TPM3: variants seen among roughly 807,000 people sequenced by gnomAD.
The protein encoded by TPM3 is tropomyosin 3, also known as tropomyosin alpha-3 chain.
A neutral mutation model predicts 43.1 loss-of-function variants in TPM3; 16 were observed. The ratio of observed to expected loss-of-function variants is 0.37; its 90% CI spans 0.25 to 0.56. TPM3 has a LOEUF of 0.56. Ranked by LOEUF, TPM3 falls within the 20% of genes least tolerant of loss-of-function variation. The pLI, the probability that TPM3 is intolerant of heterozygous loss-of-function variation, is 0.77. For synonymous variants in TPM3, 101 were observed against 116.9 expected (o/e 0.86, Z 0.88); for missense variants, 176 against 337.2 (o/e 0.52, Z 3.74).
chr1:154,165,575 G>A lies in TPM3; in HGVS notation c.*2362C>T, dbSNP rs960701006. ...AGGCTGAGGTGGGTGGATCACTTGA[G>A]GTCAGGAGTTCCAGACCAGCCTGGC... On this transcript the variant is annotated 3_prime_UTR_variant, in exon 10 of 10. Transcript: ENST00000651641. Among the ~76,000 whole-genome samples, 1 of 151,606 alleles carries A rather than the reference G, an allele frequency of 6.6e-6. No homozygotes were observed. The highest frequency in any genetic ancestry group is 2.4e-5 in the African/African-American group (1 of 41,226).
In TPM3 at chr1:154,163,746, G is replaced by A. The variant is rs1301146960; in HGVS notation, c.*4191C>T. 6.6e-6 allele frequency among the ~76,000 whole-genome samples: 1 copy of A among 152,022 alleles called. No individual in the cohort carries two copies. The highest frequency in any genetic ancestry group is 2.4e-5 in the African/African-American group (1 of 41,378). On this transcript the variant is annotated 3_prime_UTR_variant, in exon 10 of 10. Coordinates refer to ENST00000651641, the MANE Select transcript of TPM3 (RefSeq NM_152263.4). ...CCTCCCGGGTTCACGCCATTCTCCT[G>A]CCTCAGCCTCCCAAGTAGTTGGGAC...
chr1:154,174,736 C>T (rs1304337531), intron 3 of TPM3, among the ~76,000 whole-genome samples: 1 of 151,256 alleles, frequency 6.6e-6, no homozygotes, highest in Non-Finnish European at 1.5e-5. Flanking sequence ...CTCAAGTGAT[C>T]GTCCACCTCA....
At chr1:154,158,909 G>A, downstream of TPM3, 1 of 776,022 alleles carries the variant, frequency 1.3e-6, no homozygotes, top group Non-Finnish European at 2.4e-6. Context: ...TTTTGTTGGG[G>A]TCCAGGTCAG....
In TPM3 at chr1:154,176,128, C is replaced by T; in HGVS notation, c.364G>A (p.Asp122Asn). ...TTCCCTACACACCTCTCACTCTCATCAGCAGCTTTTTCAGCTTCTTCCAGC... is the reference window on the plus strand; with the variant it reads ...TTCCCTACACACCTCTCACTCTCATTAGCAGCTTTTTCAGCTTCTTCCAGC... ...QKLEEAEKAA[D>N]ESERGMKVIE... is the part of the protein sequence containing the mutation. Residue 122 changes from aspartate to asparagine, a missense_variant, in exon 3 of 10, where the codon GAT becomes AAT. Asp to Asn is a conservative substitution (Grantham distance 23). Coordinates refer to ENST00000651641, the MANE Select transcript of TPM3 (RefSeq NM_152263.4). 1 of 1,613,866 alleles carries T rather than the reference C, an allele frequency of 6.2e-7. No homozygotes were observed. The highest frequency in any genetic ancestry group is 8.5e-7 in the Non-Finnish European group (1 of 1,180,034).
intron 2 of TPM3, among the ~76,000 whole-genome samples, chr1:154,184,854 C>T (rs1239140772): frequency 6.6e-6 from 1 of 151,942 alleles, no homozygotes; most frequent in Non-Finnish European, 1.5e-5. Flanking sequence ...GCAGAGGTTG[C>T]AGTGAGCCAA....
At chr1:154,191,555 T>C (rs755466288) in intron 1 of TPM3, 95 of 1,327,198 alleles carry the variant, frequency 7.2e-5, no homozygotes, top group Non-Finnish European at 9.5e-5. Context: ...CCCTGGATGA[T>C]AAATATCTAA....
chr1:154,167,722 G>C lies in TPM3; in HGVS notation c.*215C>G. On this transcript the variant is annotated 3_prime_UTR_variant, in exon 10 of 10. Coordinates refer to ENST00000651641, the MANE Select transcript of TPM3 (RefSeq NM_152263.4). ...TAGGGACAGCAACAGCTTTGTCAATGACACAAATGCAGGGTGGCATGAGGT... is the reference window on the plus strand; with the variant it reads ...TAGGGACAGCAACAGCTTTGTCAATCACACAAATGCAGGGTGGCATGAGGT... 1 of 1,416,250 alleles carries C rather than the reference G, an allele frequency of 7.1e-7. No individual in the cohort carries two copies. Among genetic ancestry groups the C allele is most frequent in the Non-Finnish European group, 9.3e-7 (1 of 1,079,198 alleles). 87.7% of individuals were successfully genotyped at this position (1,416,250 alleles called of 1,614,324 possible). A position where few individuals can be genotyped will look rare whatever the true frequency, so the allele number is the denominator to read the frequency against.
At position 154,188,591 on chromosome 1, in the gene TPM3, C is replaced by T. The variant is rs755995702; in HGVS notation, c.243+2595G>A. 2.7e-5 allele frequency among the ~76,000 whole-genome samples: 4 copies of T among 146,674 alleles called. No individual in the cohort carries two copies. The South Asian group carries it at 6.4e-4, about 24-fold the overall frequency. ...TCAGGAGGCTGAGGCAGGAGAATGG[C>T]GTGAACCCAAGAGGCGGAGCTTGCA... is the stretch of plus-strand genomic sequence containing the variant. On this transcript the variant is annotated intron_variant, in intron 2 of 9. Transcript: ENST00000651641.
intron 8 of TPM3, 165 bp downstream of exon 8, chr1:154,170,235 G>T: frequency 1.4e-6 from 1 of 705,888 alleles, no homozygotes; most frequent in Non-Finnish European, 2.5e-6. Context: ...ACCAATTCTA[G>T]AGTTTGACCC....
intron 5 of TPM3, 176 bp downstream of exon 5, chr1:154,172,732 G>A (rs1473857118): frequency 5.1e-6 from 4 of 776,704 alleles, no homozygotes; most frequent in Admixed American, 2.1e-5. Context: ...TCACTAGTCA[G>A]GAGAATAAGG....
chr1:154,174,338 AAAAT>A lies in TPM3; in HGVS notation c.378-1141_378-1138del, dbSNP rs755566383. Among the ~76,000 whole-genome samples, 3 of 139,300 alleles carry A rather than the reference AAAAT, an allele frequency of 2.2e-5. No individual in the cohort carries two copies. The East Asian group carries it at 6.3e-4, about 29-fold the overall frequency. 91.4% of individuals were successfully genotyped at this position (139,300 alleles called of 152,430 possible). A position where few individuals can be genotyped will look rare whatever the true frequency, so the allele number is the denominator to read the frequency against. ...GGATAGAGTGAGACTCTGTCTCAAA[AAAAT>A]AAATAAATATTATTTAAATATATGT... On this transcript the variant is annotated intron_variant, in intron 3 of 9. Coordinates refer to ENST00000651641, the MANE Select transcript of TPM3 (RefSeq NM_152263.4).
chr1:154,170,778 A>G (rs1274894239), intron 6 of TPM3, 67 bp from the exon 7 acceptor site: 1 of 1,045,750 alleles, frequency 9.6e-7, no homozygotes, highest in East Asian at 2.4e-5. Context: ...CCCCCTCCCT[A>G]CATTTAACTT....
rs1660529158 is a variant in TPM3, at chr1:154,162,897, T to C, written c.*5040A>G. The stretch of plus-strand genomic sequence containing the variant: ...CCTTACTTTTCTCCCAATCTCCCTC[T>C]TATTTCCTTCTTTTTTTTCTCTCCT... On this transcript the variant is annotated 3_prime_UTR_variant, in exon 10 of 10. Transcript: ENST00000651641. Among the ~76,000 whole-genome samples the C allele has an allele frequency of 2.0e-5, 3 of 152,148 alleles. No homozygotes were observed. In the South Asian group the frequency reaches 6.2e-4, roughly 32 times the overall value.
At chr1:154,178,620 A>G (rs1662609483) in intron 2 of TPM3, among the ~76,000 whole-genome samples, 1 of 152,228 alleles carries the variant, frequency 6.6e-6, no homozygotes. Flanking sequence ...TTCAGGTCAA[A>G]TAATACCAAT....
chr1:154,159,770 T>C (rs959626950), downstream of TPM3, among the ~76,000 whole-genome samples: 2 of 152,040 alleles, frequency 1.3e-5, no homozygotes, highest in Admixed American at 6.6e-5. Context: ...ACCAATGAGA[T>C]GTAGAAAGAT....
intron 2 of TPM3, among the ~76,000 whole-genome samples, chr1:154,181,004 G>A (rs903047319): frequency 6.6e-6 from 1 of 151,992 alleles, no homozygotes; most frequent in African/African-American, 2.4e-5. Context: ...TAAATACTGA[G>A]CCTAAGATTC....
chr1:154,174,407 T>TATACACAC lies in TPM3; in HGVS notation c.378-1207_378-1206insGTGTGTAT, dbSNP rs1261318136. 2.6e-3 allele frequency among the ~76,000 whole-genome samples: 190 copies of TATACACAC among 72,632 alleles called. 1 individual carries two copies. Among genetic ancestry groups the TATACACAC allele is most frequent in the African/African-American group, 8.2e-3 (163 of 19,932 alleles). 47.6% of individuals were successfully genotyped at this position (72,632 alleles called of 152,430 possible). The stretch of plus-strand genomic sequence containing the variant: ...ATATATATATATATATATATATATA[T>TATACACAC]ACACACAAAAATCCCATCCCAGCTT... On this transcript the variant is annotated intron_variant, in intron 3 of 9. Transcript: ENST00000651641.
rs145933424 is a variant in TPM3 at position 154,162,832 on chromosome 1, G to A, written c.*5105C>T. Among the ~76,000 whole-genome samples, 19 of 152,248 alleles carry A rather than the reference G, an allele frequency of 1.2e-4. No homozygotes were observed. In the Middle Eastern group the frequency reaches 0.01, roughly 82 times the overall value. On this transcript the variant is annotated 3_prime_UTR_variant, in exon 10 of 10. Transcript: ENST00000651641. ...ATCCTTGGCTCACACTAGTCATACC[G>A]CAAGGAAAACAGGAGATACCACAGA...
intron 2 of TPM3, among the ~76,000 whole-genome samples, chr1:154,189,469 C>T (rs1663576759): frequency 6.6e-6 from 1 of 151,358 alleles, no homozygotes; most frequent in Non-Finnish European, 1.5e-5. Flanking sequence ...GCCTGGGCAA[C>T]AGAGCGAGAC....
Sources: gnomAD v4.1 joint callset for allele counts (sites outside exome capture counted in the v4.1 genomes callset) on GRCh38, gnomAD v4.1.1 for gene constraint, MANE v1.5 for transcripts, NCBI Gene and HGNC (gene_info 2026-07-23, HGNC 2026-07-21) for gene names.